ZDHHC14: variants seen among roughly 807,000 people sequenced by gnomAD.
The protein encoded by ZDHHC14 is palmitoyltransferase ZDHHC14.
In ZDHHC14, 16 loss-of-function variants were observed where a neutral mutation model predicts 47.7. The ratio of observed to expected loss-of-function variants is 0.34; its 90% CI spans 0.23 to 0.51. The LOEUF (loss-of-function observed/expected upper bound fraction) is 0.51. Ranked by LOEUF, ZDHHC14 falls within the 20% of genes least tolerant of loss-of-function variation. The pLI, the probability that ZDHHC14 is intolerant of heterozygous loss-of-function variation, is 0.97. For missense variants in ZDHHC14, 515 were observed against 662.5 expected (o/e 0.78, Z 2.44); for synonymous variants, 293 against 278.9 (o/e 1.05, Z -0.50).
At chr6:157,428,832 C>T (rs1010441205) in intron 1 of ZDHHC14, among the ~76,000 whole-genome samples, 1 of 152,208 alleles carries the variant, frequency 6.6e-6, no homozygotes, top group East Asian at 1.9e-4. Flanking sequence ...GAGGTCTCAG[C>T]TCCCAGCCAG....
At chr6:157,562,998 G>A (rs1304083941) in intron 2 of ZDHHC14, among the ~76,000 whole-genome samples, 6 of 152,176 alleles carry the variant, frequency 3.9e-5, no homozygotes, top group East Asian at 1.9e-4. Flanking sequence ...GTGAAAGGGA[G>A]CAAGGCGGCA....
At chr6:157,396,135 C>G (rs954908407) in intron 1 of ZDHHC14, among the ~76,000 whole-genome samples, 1 of 151,976 alleles carries the variant, frequency 6.6e-6, no homozygotes, top group African/African-American at 2.4e-5. Context: ...CTGTCATGTA[C>G]CAGGATGTTC....
At chr6:157,541,660 G>T (rs1034852324) in intron 1 of ZDHHC14, among the ~76,000 whole-genome samples, 4 of 152,208 alleles carry the variant, frequency 2.6e-5, no homozygotes, top group African/African-American at 9.6e-5. Context: ...GACTGACTGT[G>T]GTCACTGCAG....
intron 1 of ZDHHC14, among the ~76,000 whole-genome samples, chr6:157,424,849 A>C (rs1388541634): frequency 2.0e-5 from 3 of 149,752 alleles, no homozygotes; most frequent in African/African-American, 7.4e-5. Flanking sequence ...CCCCAACCCC[A>C]CCCCAGGCCC....
chr6:157,590,496 C>T (rs1783867195), intron 2 of ZDHHC14, among the ~76,000 whole-genome samples: 1 of 152,208 alleles, frequency 6.6e-6, no homozygotes, highest in Admixed American at 6.5e-5. Context: ...GCCTTGGTAG[C>T]TTCCATGTGG....
intron 2 of ZDHHC14, among the ~76,000 whole-genome samples, chr6:157,571,703 C>A (rs1783103392): frequency 6.6e-6 from 1 of 151,030 alleles, no homozygotes; most frequent in Non-Finnish European, 1.5e-5. Flanking sequence ...CAGCTGTACA[C>A]AGGGAGCTGT....
At chr6:157,442,664 T>C (rs1431982740) in intron 1 of ZDHHC14, among the ~76,000 whole-genome samples, 1 of 152,190 alleles carries the variant, frequency 6.6e-6, no homozygotes, top group African/African-American at 2.4e-5. Flanking sequence ...AAGCGTACCC[T>C]GGAGGGCACG....
At chr6:157,644,229 C>T (rs1216627676) in intron 5 of ZDHHC14, among the ~76,000 whole-genome samples, 1 of 152,206 alleles carries the variant, frequency 6.6e-6, no homozygotes, top group Admixed American at 6.5e-5. Context: ...CAAGTCTGTC[C>T]CCTCCTGGCA....
At chr6:157,504,607 C>T (rs537255440) in intron 1 of ZDHHC14, among the ~76,000 whole-genome samples, 16 of 151,074 alleles carry the variant, frequency 1.1e-4, no homozygotes, top group Admixed American at 2.6e-4. Flanking sequence ...GATGGGGTTT[C>T]ACCACGTTGG....
At chr6:157,414,286 C>T (rs1245658346) in intron 1 of ZDHHC14, among the ~76,000 whole-genome samples, 1 of 152,118 alleles carries the variant, frequency 6.6e-6, no homozygotes, top group Non-Finnish European at 1.5e-5. Context: ...CGGCGAACTC[C>T]CTTTGCCTCC....
Position 157,509,901 on chromosome 6 carries a change from C to G in ZDHHC14, c.246-32684C>G, listed in dbSNP as rs193294431. Among the ~76,000 whole-genome samples the G allele has an allele frequency of 3.2e-4, 49 of 152,370 alleles. 1 individual carries two copies. Among genetic ancestry groups the G allele is most frequent in the Admixed American group, 1.9e-3 (29 of 15,306 alleles). On this transcript the variant is annotated intron_variant, in intron 1 of 8. Transcript: ENST00000359775. ...TGAGGCCAGAGCCTCATTGCCATGT[C>G]TCTTCCTGCAGCCTCCACTCTGCTC...
At chr6:157,451,514 G>A (rs923094173) in intron 1 of ZDHHC14, among the ~76,000 whole-genome samples, 2 of 152,210 alleles carry the variant, frequency 1.3e-5, no homozygotes, top group African/African-American at 4.8e-5. Flanking sequence ...ACTAATAAAT[G>A]AGTATATGAA....
At chr6:157,615,663 A>G (rs1051021932) in intron 3 of ZDHHC14, among the ~76,000 whole-genome samples, 13 of 152,208 alleles carry the variant, frequency 8.5e-5, no homozygotes, top group Non-Finnish European at 1.5e-4. Flanking sequence ...AGAGTCCTAC[A>G]TCCTGCCAGC....
At chr6:157,661,655 G>T (rs558865002) in intron 8 of ZDHHC14, among the ~76,000 whole-genome samples, 1 of 152,300 alleles carries the variant, frequency 6.6e-6, no homozygotes, top group South Asian at 2.1e-4. Context: ...ACACTTTGGG[G>T]CTGGGTGATC....
chr6:157,635,520 A>G (rs1289696242), intron 5 of ZDHHC14, among the ~76,000 whole-genome samples: 1 of 152,266 alleles, frequency 6.6e-6, no homozygotes, highest in Non-Finnish European at 1.5e-5. Flanking sequence ...TGTACTTGAC[A>G]ATGATATGCT....
intron 2 of ZDHHC14, among the ~76,000 whole-genome samples, chr6:157,546,805 G>C (rs1378634430): frequency 6.6e-6 from 1 of 152,164 alleles, no homozygotes; most frequent in Non-Finnish European, 1.5e-5. Flanking sequence ...ACCTTTCCAG[G>C]GATCAAAATA....
intron 1 of ZDHHC14, among the ~76,000 whole-genome samples, chr6:157,383,095 T>C (rs9406291): frequency 0.15 from 23,168 of 152,222 alleles, 1,981 homozygotes; most frequent in Middle Eastern, 0.25. Flanking sequence ...GAAAATCAAA[T>C]TGGCCAGTAG....
At position 157,572,869 on chromosome 6, in the gene ZDHHC14, G is replaced by T. The variant is rs147021394; in HGVS notation, c.407-20119G>T. Among the ~76,000 whole-genome samples, 1,172 of 152,052 alleles carry T rather than the reference G, an allele frequency of 7.7e-3. 11 individuals carry two copies. Among genetic ancestry groups the T allele is most frequent in the South Asian group, 0.047 (228 of 4,806 alleles). On this transcript the variant is annotated intron_variant, in intron 2 of 8. Coordinates refer to ENST00000359775, the MANE Select transcript of ZDHHC14 (RefSeq NM_024630.3). ...TTCTCTATTAAGTAGACAGAAAAAG[G>T]TTTTCTACTAATACTTCCATTGGGC...
rs138490991 is a variant in ZDHHC14, at chr6:157,594,177, C to A, written c.565+1031C>A. Among the ~76,000 whole-genome samples the A allele has an allele frequency of 7.3e-3, 1,117 of 152,302 alleles. 18 individuals carry two copies. Among genetic ancestry groups the A allele is most frequent in the African/African-American group, 0.025 (1,058 of 41,550 alleles). ...GAGAAAAATAACATTTTATAATGTA[C>A]GTCCTGCTGTGCAAAGCAGTCTTCC... On this transcript the variant is annotated intron_variant, in intron 3 of 8. Transcript: ENST00000359775.
Sources: allele counts gnomAD v4.1 joint callset (sites outside exome capture counted in the v4.1 genomes callset), GRCh38; gene constraint gnomAD v4.1.1; transcripts MANE v1.5; gene names NCBI Gene and HGNC (gene_info 2026-07-23, HGNC 2026-07-21).